Variants in SLC22A16 observed in about 807,000 individuals in gnomAD.
SLC22A16 encodes the protein solute carrier family 22 member 16.
Under a neutral mutation model 52.9 loss-of-function variants are expected in SLC22A16, and 53 were observed. The ratio of observed to expected loss-of-function variants is 1.00; its 90% confidence interval spans 0.80 to 1.26. SLC22A16 has a LOEUF of 1.26. Among genes scored for constraint, SLC22A16 ranks in the 50% most tolerant of loss-of-function variants. The pLI is 0.00. For missense variants in SLC22A16, 726 were observed against 704.0 expected, an observed-to-expected ratio of 1.03 and a Z score of -0.35; for synonymous variants, 291 against 268.8, an observed-to-expected ratio of 1.08 and a Z score of -0.81.
chr6:110,464,085 T>C (rs1451987725), intron 1 of SLC22A16, among the ~76,000 whole-genome samples: 1 of 152,056 alleles, frequency 6.6e-6, no homozygotes, highest in African/African-American at 2.4e-5. Context: ...ATCAAAAAAA[T>C]GTTTTGAAAT....
chr6:110,465,586 A>G (rs1219530610), intron 1 of SLC22A16, among the ~76,000 whole-genome samples: 3 of 152,180 alleles, frequency 2.0e-5, no homozygotes, highest in Non-Finnish European at 4.4e-5. Flanking sequence ...TTAACCAAAG[A>G]AGTAAAAGAC....
intron 5 of SLC22A16, among the ~76,000 whole-genome samples, chr6:110,436,379 C>T (rs771942548): frequency 6.6e-6 from 1 of 152,118 alleles, no homozygotes; most frequent in East Asian, 1.9e-4. Context: ...AATCCCAGCA[C>T]TTTAGGAGGC....
chr6:110,457,496 G>A (rs903633587), intron 1 of SLC22A16, among the ~76,000 whole-genome samples: 8 of 152,164 alleles, frequency 5.3e-5, no homozygotes, highest in African/African-American at 1.4e-4. Flanking sequence ...GCAAGAGACC[G>A]AGCACGAGCT....
intron 1 of SLC22A16, among the ~76,000 whole-genome samples, chr6:110,468,927 C>A (rs1414156160): frequency 6.6e-6 from 1 of 152,168 alleles, no homozygotes; most frequent in Non-Finnish European, 1.5e-5. Context: ...CCTGTGGCCT[C>A]ATGGGGGTGA....
At chr6:110,448,516 A>C (rs982839048) in intron 2 of SLC22A16, among the ~76,000 whole-genome samples, 2 of 152,238 alleles carry the variant, frequency 1.3e-5, no homozygotes, top group Non-Finnish European at 2.9e-5. Context: ...TTGGTGCAGC[A>C]GAGGATATGC....
intron 5 of SLC22A16, among the ~76,000 whole-genome samples, chr6:110,436,930 G>A (rs1448362318): frequency 2.6e-5 from 4 of 152,044 alleles, no homozygotes; most frequent in Admixed American, 2.0e-4. Flanking sequence ...GAGACCCAGG[G>A]TGGCCTTGCG....
intron 3 of SLC22A16, 33 bp downstream of exon 3, chr6:110,446,840 A>G (rs1775191852): frequency 1.3e-6 from 2 of 1,564,100 alleles, no homozygotes; most frequent in Admixed American, 3.7e-5. Context: ...GAAAAACTGC[A>G]GCAGAATTAA....
rs372914264 is a variant in SLC22A16 at position 110,439,612 on chromosome 6, C to A, written c.1184-765G>T. 2.6e-4 allele frequency among the ~76,000 whole-genome samples: 40 copies of A among 152,142 alleles called. No individual in the cohort carries two copies. In the South Asian group the frequency reaches 8.3e-3, roughly 32 times the overall value. On this transcript the variant is annotated intron_variant, in intron 4 of 7. Transcript: ENST00000368919. ...AATCAGAAAAAATAACCAGATGTGC[C>A]GTCAGAGCACTTTAATGAGATGGCA...
intron 1 of SLC22A16, among the ~76,000 whole-genome samples, chr6:110,467,188 G>T (rs895239282): frequency 6.6e-6 from 1 of 151,542 alleles, no homozygotes; most frequent in Non-Finnish European, 1.5e-5. Context: ...CTCTCTCTGC[G>T]TTTTTTTTCC....
At position 110,435,849 on chromosome 6, in the gene SLC22A16, T is replaced by C. The variant is rs1774702928; in HGVS notation, c.1421+3A>G. 1 of 1,584,662 alleles carries C rather than the reference T, an allele frequency of 6.3e-7. No homozygotes were observed. The highest frequency in any genetic ancestry group is 1.3e-5 in the African/African-American group (1 of 74,126). On this transcript the variant is annotated splice_donor_region_variant and intron_variant, in intron 6 of 7. Coordinates refer to ENST00000368919, the MANE Select transcript of SLC22A16 (RefSeq NM_033125.4). Reference sequence around the variant, plus strand: ...AAACAACCAGAAAACAATTCATCCTTACCTTACAATGGTTGGATACAGCTC... The same window carrying C: ...AAACAACCAGAAAACAATTCATCCTCACCTTACAATGGTTGGATACAGCTC...
Position 110,424,842 on chromosome 6 carries a change from T to G in SLC22A16, c.*31A>C. 1 of 1,612,914 alleles carries G rather than the reference T, an allele frequency of 6.2e-7. No homozygotes were observed. Among genetic ancestry groups the G allele is most frequent in the Non-Finnish European group, 8.5e-7 (1 of 1,179,172 alleles). On this transcript the variant is annotated 3_prime_UTR_variant, in exon 8 of 8. Coordinates refer to ENST00000368919, the MANE Select transcript of SLC22A16 (RefSeq NM_033125.4). ...TACAAAGGCATTAGGGTAAATAATA[T>G]TTCAGGTGCTAGACAGCAGGCATGG...
chr6:110,437,756 G>T (rs1297812529), intron 5 of SLC22A16, among the ~76,000 whole-genome samples: 1 of 151,422 alleles, frequency 6.6e-6, no homozygotes, highest in African/African-American at 2.4e-5. Context: ...ATCTTTTTTG[G>T]GAAGAGGGGA....
intron 4 of SLC22A16, 56 bp from the exon 5 acceptor site, chr6:110,438,903 C>A: frequency 6.3e-7 from 1 of 1,598,762 alleles, no homozygotes; most frequent in Non-Finnish European, 8.5e-7. Context: ...CAAAAGGGGA[C>A]CCCCGTCTTC....
At chr6:110,475,145 T>C in intron 1 of SLC22A16, 1 of 377,276 alleles carries the variant, frequency 2.7e-6, no homozygotes. Context: ...TTAACCTCTG[T>C]GCTATTCTGC....
In SLC22A16 at chr6:110,442,177, G is replaced by GAC. The variant is rs1362555310; in HGVS notation, c.1183+65_1183+66dup. The GAC allele has an allele frequency of 7.2e-5, 105 of 1,451,150 alleles. No homozygotes were observed. The East Asian group carries it at 8.4e-4, about 12-fold the overall frequency. 89.9% of individuals were successfully genotyped at this position (1,451,150 alleles called of 1,614,324 possible). A position where few individuals can be genotyped will look rare whatever the true frequency, so the allele number is the denominator to read the frequency against. Reference sequence around the variant, plus strand: ...TTTTTCTCAAATTCACACAGAAACAGACACACACACACAAATGGTAGAAAT... The same window carrying GAC: ...TTTTTCTCAAATTCACACAGAAACAGACACACACACACACAAATGGTAGAAAT... On this transcript the variant is annotated intron_variant, in intron 4 of 7. Transcript: ENST00000368919.
chr6:110,457,186 T>A (rs1183555191), intron 1 of SLC22A16, among the ~76,000 whole-genome samples, 169 bp from the exon 2 acceptor site: 3 of 152,358 alleles, frequency 2.0e-5, no homozygotes, highest in Non-Finnish European at 1.5e-5. Flanking sequence ...ATACATATAT[T>A]ACTTAGCTCC....
In SLC22A16 at chr6:110,435,700, C is replaced by A. The variant is rs372642430; in HGVS notation, c.1421+152G>T. On this transcript the variant is annotated intron_variant, in intron 6 of 7. Coordinates refer to ENST00000368919, the MANE Select transcript of SLC22A16 (RefSeq NM_033125.4). Reference sequence around the variant, plus strand: ...CACTAATAGGGTACAAAGCCTCAGACTCAAAATGAGTATCAGCATGTCATT... The same window carrying A: ...CACTAATAGGGTACAAAGCCTCAGAATCAAAATGAGTATCAGCATGTCATT... 40 of 572,178 alleles carry A rather than the reference C, an allele frequency of 7.0e-5. No individual in the cohort carries two copies. The East Asian group carries it at 1.1e-3, about 16-fold the overall frequency. 35.4% of individuals were successfully genotyped at this position (572,178 alleles called of 1,614,324 possible).
At chr6:110,476,099 G>A (rs912939725) in intron 1 of SLC22A16, 11 of 435,688 alleles carry the variant, frequency 2.5e-5, no homozygotes, top group Middle Eastern at 5.8e-4. Flanking sequence ...GCCCTACGGA[G>A]GCGCAGGGCA....
At chr6:110,440,190 GT>G (rs1774908923) in intron 4 of SLC22A16, 1 of 152,136 alleles carries the variant, frequency 6.6e-6, no homozygotes, top group African/African-American at 2.4e-5. Flanking sequence ...TGAACTTAGT[GT>G]GGACACCTGA....
Sources: gnomAD v4.1 joint callset for allele counts (sites outside exome capture counted in the v4.1 genomes callset) on GRCh38, gnomAD v4.1.1 for gene constraint, MANE v1.5 for transcripts, NCBI Gene and HGNC (gene_info 2026-07-23, HGNC 2026-07-21) for gene names.